MARCHF4: variants seen among roughly 807,000 people sequenced by gnomAD.
The protein encoded by MARCHF4 is membrane associated ring-CH-type finger 4.
Under a neutral mutation model 43.9 loss-of-function variants are expected in MARCHF4, and 14 were observed. The ratio of observed to expected loss-of-function variants is 0.32; its 90% CI spans 0.21 to 0.50. The LOEUF is 0.50. MARCHF4 is among the 20% of genes least tolerant of loss of function. The probability of loss-of-function intolerance (pLI) is 0.98; values close to 1 mark genes in which losing one functional copy is unlikely to be tolerated. For missense variants in MARCHF4, 468 were observed against 536.7 expected, an observed-to-expected ratio of 0.87 and a Z score of 1.27; for synonymous variants, 226 against 213.3, an observed-to-expected ratio of 1.06 and a Z score of -0.52.
chr2:216,325,412 T>C (rs995400912), intron 1 of MARCHF4, among the ~76,000 whole-genome samples: 1 of 152,228 alleles, frequency 6.6e-6, no homozygotes, highest in Non-Finnish European at 1.5e-5. Context: ...ACAGATTCAA[T>C]GCTATCTCCA....
intron 1 of MARCHF4, among the ~76,000 whole-genome samples, chr2:216,288,741 G>A (rs1469737805): frequency 6.6e-6 from 1 of 152,078 alleles, no homozygotes. Flanking sequence ...GGAGGTGGTG[G>A]GAGGGAGAAC....
intron 3 of MARCHF4, among the ~76,000 whole-genome samples, chr2:216,270,108 C>T (rs933474999): frequency 2.0e-5 from 3 of 151,396 alleles, no homozygotes; most frequent in Middle Eastern, 3.4e-3. Context: ...ACAGGTTTCA[C>T]TTTGTCACCC....
intron 1 of MARCHF4, among the ~76,000 whole-genome samples, chr2:216,323,049 C>A (rs1269508796): frequency 6.6e-6 from 1 of 152,160 alleles, no homozygotes; most frequent in Non-Finnish European, 1.5e-5. Flanking sequence ...CCATAAGAAT[C>A]CAATGGTAAT....
intron 1 of MARCHF4, among the ~76,000 whole-genome samples, chr2:216,300,451 G>A (rs1175383741): frequency 6.0e-5 from 9 of 151,160 alleles, no homozygotes; most frequent in South Asian, 2.1e-4. Flanking sequence ...TCGAGTGATC[G>A]TCCCACCTCA....
intron 1 of MARCHF4, among the ~76,000 whole-genome samples, chr2:216,302,588 G>A (rs1191723464): frequency 6.6e-6 from 1 of 151,886 alleles, no homozygotes; most frequent in Non-Finnish European, 1.5e-5. Flanking sequence ...GCAATACATT[G>A]AAGAGGACCA....
intron 1 of MARCHF4, among the ~76,000 whole-genome samples, chr2:216,320,656 TTTC>T (rs1691871399): frequency 8.2e-6 from 1 of 122,198 alleles, no homozygotes; most frequent in East Asian, 2.2e-4. Flanking sequence ...TCTTTCTTTC[TTTC>T]TTTCTTTCTT....
intron 1 of MARCHF4, among the ~76,000 whole-genome samples, chr2:216,335,689 A>T (rs966884980): frequency 1.3e-5 from 2 of 152,196 alleles, no homozygotes; most frequent in African/African-American, 4.8e-5. Flanking sequence ...TCTAGGAGAG[A>T]TTACTTTAAT....
chr2:216,332,558 A>G (rs895984333), intron 1 of MARCHF4, among the ~76,000 whole-genome samples: 4 of 152,154 alleles, frequency 2.6e-5, no homozygotes, highest in Admixed American at 2.6e-4. Context: ...TGCAAACAGA[A>G]AGGAAAAAAA....
intron 1 of MARCHF4, among the ~76,000 whole-genome samples, chr2:216,338,463 C>T (rs1021639053): frequency 1.3e-5 from 2 of 152,174 alleles, no homozygotes; most frequent in African/African-American, 2.4e-5. Context: ...TGTTTGCCTC[C>T]TTGGTTCCAG....
chr2:216,310,490 G>A (rs1271000698), intron 1 of MARCHF4, among the ~76,000 whole-genome samples: 1 of 152,070 alleles, frequency 6.6e-6, no homozygotes, highest in Non-Finnish European at 1.5e-5. Flanking sequence ...TTGAGCTCCT[G>A]GGCTCAAGCG....
At chr2:216,263,511 G>GAAAGAGAGAA (rs755144891) in intron 3 of MARCHF4, among the ~76,000 whole-genome samples, 4 of 61,788 alleles carry the variant, frequency 6.5e-5, no homozygotes, top group African/African-American at 1.0e-4. Flanking sequence ...GAGAGAGAGA[G>GAAAGAGAGAA]AGAGAGAGAG....
intron 3 of MARCHF4, among the ~76,000 whole-genome samples, chr2:216,268,483 A>T (rs1268171408): frequency 1.3e-5 from 2 of 152,134 alleles, no homozygotes; most frequent in African/African-American, 2.4e-5. Flanking sequence ...TTCTCACAAG[A>T]TCTGTGTTTG....
intron 1 of MARCHF4, among the ~76,000 whole-genome samples, chr2:216,365,616 C>T (rs1032599534): frequency 1.3e-5 from 2 of 152,234 alleles, no homozygotes; most frequent in African/African-American, 4.8e-5. Context: ...AAATCTATTT[C>T]TTCTCACTTG....
At chr2:216,327,329 T>G (rs935718601) in intron 1 of MARCHF4, among the ~76,000 whole-genome samples, 2 of 152,118 alleles carry the variant, frequency 1.3e-5, no homozygotes, top group African/African-American at 2.4e-5. Flanking sequence ...ATATATAATC[T>G]ATCCATGAAA....
intron 2 of MARCHF4, among the ~76,000 whole-genome samples, chr2:216,280,604 A>G (rs1691111901): frequency 6.6e-6 from 1 of 152,200 alleles, no homozygotes; most frequent in South Asian, 2.1e-4. Context: ...AAAAATACAG[A>G]TCAGCCTGTC....
In MARCHF4 at chr2:216,348,020, G is replaced by A. The variant is rs192992106; in HGVS notation, c.516+21725C>T. ...GACTCACTGGGCTGCATTCTCAGGA[G>A]GTTAAGGCATTCTTTTTTTTTTTTT... On this transcript the variant is annotated intron_variant, in intron 1 of 3. Transcript: ENST00000273067. 1.1e-3 allele frequency among the ~76,000 whole-genome samples: 159 copies of A among 149,240 alleles called. 1 individual carries two copies. Among genetic ancestry groups the A allele is most frequent in the African/African-American group, 3.8e-3 (155 of 40,558 alleles).
At chr2:216,281,058 C>CTTTT (rs58189904) in intron 2 of MARCHF4, among the ~76,000 whole-genome samples, 2 of 104,298 alleles carry the variant, frequency 1.9e-5, no homozygotes, top group African/African-American at 3.7e-5. Context: ...TTTCTCACAA[C>CTTTT]TTTTTTTTTT....
intron 3 of MARCHF4, among the ~76,000 whole-genome samples, chr2:216,275,250 C>T (rs1226996629): frequency 6.6e-6 from 1 of 152,040 alleles, no homozygotes; most frequent in Non-Finnish European, 1.5e-5. Context: ...AGCCAAGAAA[C>T]AGGAGGAGGA....
At chr2:216,341,849 C>T (rs1249923690) in intron 1 of MARCHF4, among the ~76,000 whole-genome samples, 1 of 152,172 alleles carries the variant, frequency 6.6e-6, no homozygotes, top group East Asian at 1.9e-4. Flanking sequence ...ACTGGAGCAG[C>T]CAGGATGGTG....
Sources: gnomAD v4.1 joint callset for allele counts (sites outside exome capture counted in the v4.1 genomes callset) on GRCh38, gnomAD v4.1.1 for gene constraint, MANE v1.5 for transcripts, NCBI Gene and HGNC (gene_info 2026-07-23, HGNC 2026-07-21) for gene names.